CLCN4: variants seen among roughly 807,000 people sequenced by gnomAD.
CLCN4 encodes the protein Cl-/H+ antiporter 4, also known as H(+)/Cl(-) exchange transporter 4.
Under a neutral mutation model 41.7 loss-of-function variants are expected in CLCN4, and 1 was observed. The ratio of observed to expected loss-of-function variants is 0.02; its 90% CI spans 0.01 to 0.11. CLCN4 has a LOEUF of 0.11. CLCN4 is among the 10% of genes least tolerant of loss of function. The pLI is 1.00. For synonymous variants in CLCN4, 277 were observed against 285.8 expected (o/e 0.97, Z 0.31); for missense variants, 287 against 661.0 (o/e 0.43, Z 6.20).
intron 2 of CLCN4, among the ~76,000 whole-genome samples, chrX:10,161,412 G>T (rs1477262321): frequency 8.9e-6 from 1 of 112,008 alleles, no homozygotes; most frequent in African/African-American, 3.2e-5. Context: ...ATCTGGCCTT[G>T]TCTCTTCAAC....
chrX:10,212,313 A>G (rs1419519310), intron 9 of CLCN4, among the ~76,000 whole-genome samples, 154 bp from the exon 10 acceptor site: 1 of 111,047 alleles, frequency 9.0e-6, no homozygotes, highest in Non-Finnish European at 1.9e-5. Flanking sequence ...TATTTGTCCC[A>G]CCTTTCCCCA....
At chrX:10,174,143 A>G (rs1273233937) in intron 2 of CLCN4, among the ~76,000 whole-genome samples, 1 of 111,971 alleles carries the variant, frequency 8.9e-6, no homozygotes, top group African/African-American at 3.3e-5. Flanking sequence ...CCCTCCCGCC[A>G]TACACCCTTG....
In CLCN4 at chrX:10,205,211, T is replaced by C. The variant is rs558629079; in HGVS notation, c.556-1147T>C. On this transcript the variant is annotated intron_variant, in intron 6 of 12. Transcript: ENST00000380833. Reference sequence around the variant, plus strand: ...AAAATGGGCCAGTTGCGGTGGCTCATGCCTGTAATCCCAGCACTTTGGGAG... The same window carrying C: ...AAAATGGGCCAGTTGCGGTGGCTCACGCCTGTAATCCCAGCACTTTGGGAG... Among the ~76,000 whole-genome samples, 458 of 111,590 alleles carry C rather than the reference T, an allele frequency of 4.1e-3. 2 individuals carry two copies. Among genetic ancestry groups the C allele is most frequent in the African/African-American group, 0.013 (397 of 30,724 alleles).
Position 10,208,454 on chromosome X carries a change from A to G in CLCN4, c.1253A>G (p.Asn418Ser), listed in dbSNP as rs766106748. 6.6e-6 allele frequency: 8 copies of G among 1,209,436 alleles called. No homozygotes were observed. Among genetic ancestry groups the G allele is most frequent in the African/African-American group, 3.5e-5 (2 of 56,955 alleles). ...TCTTCCCAGCTCTGTGACTACATCA[A>G]TGACCCCAACATGACTCGGCCTGTG... The part of the protein sequence containing the change: ...LESSQLCDYI[N>S]DPNMTRPVDD... The change falls in exon 9 of 13, where the codon AAT becomes AGT. Residue 418 changes from asparagine to serine, a missense_variant. Physicochemically the swap from Asn to Ser is conservative, Grantham distance 46 (BLOSUM62 1). Transcript: ENST00000380833.
Position 10,206,484 on chromosome X carries a change from G to C in CLCN4, c.682G>C (p.Val228Leu). The change falls in exon 7 of 13, where the codon GTG becomes CTG. Residue 228 changes from valine (V) to leucine (L), a missense_variant. Coordinates refer to ENST00000380833, the MANE Select transcript of CLCN4 (RefSeq NM_001830.4). The part of the protein sequence containing the change: ...GLSLGKEGPL[V>L]HVACCCGNFF... ...GAGCCTTGGGAAGGAAGGGCCGCTA[G>C]TGCACGTGGCTTGTTGCTGTGGCAA... 8.3e-7 allele frequency: 1 copy of C among 1,210,787 alleles called. No homozygotes were observed. Among genetic ancestry groups the C allele is most frequent in the Non-Finnish European group, 1.1e-6 (1 of 895,003 alleles).
intron 6 of CLCN4, among the ~76,000 whole-genome samples, chrX:10,201,532 C>T (rs763828682): frequency 8.9e-6 from 1 of 111,788 alleles, no homozygotes; most frequent in South Asian, 3.7e-4. Context: ...AAAGAATCTC[C>T]TCCCAGTCAG....
intron 2 of CLCN4, among the ~76,000 whole-genome samples, chrX:10,168,231 G>A (rs1192963562): frequency 8.9e-6 from 1 of 112,087 alleles, no homozygotes; most frequent in African/African-American, 3.2e-5. Context: ...AAATGCCAGT[G>A]GGGTTTGGCT....
At position 10,158,433 on chromosome X, in the gene CLCN4, G is replaced by T; in HGVS notation, c.-130G>T. 1 of 297,718 alleles carries T rather than the reference G, an allele frequency of 3.4e-6. No homozygotes were observed. The highest frequency in any genetic ancestry group is 5.9e-6 in the Non-Finnish European group (1 of 170,088). The allele number at this position is 297,718 out of a possible 1,213,427, so 24.5% of individuals were successfully genotyped here. The stretch of plus-strand genomic sequence containing the variant: ...CCCTGCCTCGCCCCGAGGGCGTCAC[G>T]TGGCAGCGTGGGGCCCGCCTCCTGG... On this transcript the variant is annotated 5_prime_UTR_variant, in exon 2 of 13. Transcript: ENST00000380833.
At chrX:10,202,638 CAAAAAAAAAAAAAAAAAAAAAA>C (rs759089094) in intron 6 of CLCN4, among the ~76,000 whole-genome samples, 1 of 19,639 alleles carries the variant, frequency 5.1e-5, no homozygotes, top group African/African-American at 1.6e-4. Flanking sequence ...GACCCTGCCT[CAAAAAAAAAAAAAAAAAAAAAA>C]AAAAAAAAAA....
chrX:10,181,659 G>T (rs1370902610), intron 2 of CLCN4, among the ~76,000 whole-genome samples: 2 of 111,815 alleles, frequency 1.8e-5, no homozygotes, highest in Non-Finnish European at 3.8e-5. Context: ...ATTCTACTTA[G>T]AATCTGTCCT....
chrX:10,225,478 T>C (rs1015908754), intron 12 of CLCN4, among the ~76,000 whole-genome samples: 1 of 112,410 alleles, frequency 8.9e-6, no homozygotes, highest in African/African-American at 3.2e-5. Context: ...AAGTTCCTTG[T>C]AGATTCTGCA....
intron 5 of CLCN4, among the ~76,000 whole-genome samples, chrX:10,195,636 CA>C (rs1169686097): frequency 8.9e-6 from 1 of 111,874 alleles, no homozygotes; most frequent in Non-Finnish European, 1.9e-5. Context: ...TCTCCATTAG[CA>C]GTCACTCCCA....
intron 11 of CLCN4, among the ~76,000 whole-genome samples, chrX:10,216,277 T>A (rs1387035276): frequency 8.9e-6 from 1 of 112,351 alleles, no homozygotes; most frequent in Non-Finnish European, 1.9e-5. Context: ...TTGTTATGTT[T>A]TGGAATGCCA....
At chrX:10,179,027 G>A (rs1923605297) in intron 2 of CLCN4, among the ~76,000 whole-genome samples, 2 of 111,545 alleles carry the variant, frequency 1.8e-5, no homozygotes, top group South Asian at 3.8e-4. Context: ...TTGAGGGTGC[G>A]AGATGACTAC....
At chrX:10,207,235 C>A (rs764716095) in intron 8 of CLCN4, among the ~76,000 whole-genome samples, 1 of 112,409 alleles carries the variant, frequency 8.9e-6, no homozygotes, top group Non-Finnish European at 1.9e-5. Context: ...GCGATAAATT[C>A]CTGTTTTCAA....
At chrX:10,172,736 C>G (rs1423473665) in intron 2 of CLCN4, among the ~76,000 whole-genome samples, 1 of 110,405 alleles carries the variant, frequency 9.1e-6, no homozygotes, top group Non-Finnish European at 1.9e-5. Context: ...GGTACACTAG[C>G]TGTATTTTAA....
intron 11 of CLCN4, among the ~76,000 whole-genome samples, chrX:10,218,781 G>A (rs932907586): frequency 8.9e-6 from 1 of 112,618 alleles, no homozygotes; most frequent in African/African-American, 3.2e-5. Flanking sequence ...GAGAGTAGCA[G>A]TTGCCACTGT....
chrX:10,181,581 C>T (rs1923685935), intron 2 of CLCN4, among the ~76,000 whole-genome samples: 3 of 111,152 alleles, frequency 2.7e-5, no homozygotes, highest in Non-Finnish European at 3.8e-5. Context: ...TTCTACCTGA[C>T]ATTTTTGGTC....
intron 2 of CLCN4, among the ~76,000 whole-genome samples, chrX:10,176,027 G>A (rs1195968221): frequency 1.9e-5 from 2 of 104,279 alleles, no homozygotes; most frequent in Non-Finnish European, 3.9e-5. Context: ...AAAGCTTTAA[G>A]GTTGAAATGT....
Sources: gnomAD v4.1 joint callset for allele counts (sites outside exome capture counted in the v4.1 genomes callset) on GRCh38, gnomAD v4.1.1 for gene constraint, MANE v1.5 for transcripts, NCBI Gene and HGNC (gene_info 2026-07-23, HGNC 2026-07-21) for gene names.